SUMF1: variants seen among roughly 807,000 people sequenced by gnomAD.
The protein encoded by SUMF1 is sulfatase modifying factor 1, also known as formylglycine-generating enzyme.
In SUMF1, 48 loss-of-function variants were observed where a neutral mutation model predicts 47.6. That is an observed-to-expected ratio of 1.01 (90% CI 0.80 to 1.28). The LOEUF (loss-of-function observed/expected upper bound fraction) is 1.28, where lower values mean the gene tolerates loss of function less well. Among genes scored for constraint, SUMF1 ranks in the 50% most tolerant of loss-of-function variants. The pLI, the probability that SUMF1 is intolerant of heterozygous loss-of-function variation, is 0.00. For missense variants in SUMF1, 571 were observed against 485.4 expected (o/e 1.18, Z -1.66); for synonymous variants, 230 against 192.1 (o/e 1.20, Z -1.63).
chr3:4,285,253 T>C (rs1245665612), intron 8 of SUMF1, among the ~76,000 whole-genome samples: 2 of 152,188 alleles, frequency 1.3e-5, no homozygotes, highest in Non-Finnish European at 2.9e-5. Context: ...AAATTACTAA[T>C]AGCAAGGGCT....
At chr3:4,047,088 G>A (rs973398245) in intron 9 of SUMF1, among the ~76,000 whole-genome samples, 14 of 151,820 alleles carry the variant, frequency 9.2e-5, no homozygotes, top group African/African-American at 3.1e-4. Context: ...TTTCACTCCC[G>A]GAACACTCCT....
In SUMF1 at chr3:4,037,870, G is replaced by A. The variant is rs187243064; in HGVS notation, c.1191+30699C>T. Among the ~76,000 whole-genome samples the A allele has an allele frequency of 5.3e-5, 8 of 152,242 alleles. No homozygotes were observed. The East Asian group carries it at 1.2e-3, about 22-fold the overall frequency. On this transcript the variant is annotated intron_variant and NMD_transcript_variant, in intron 9 of 12. Coordinates refer to the SUMF1 transcript ENST00000448413. ...TCACAGGGCCAAGGCTTTGCGCAGG[G>A]TCTTTATTTGTAACTGACATCTTGC...
In SUMF1 at chr3:4,111,442, G is replaced by A. The variant is rs192899001; in HGVS notation, c.1015-42697C>T. Reference sequence around the variant, plus strand: ...CTCATAAAACCTTTATTTCTCGGCCGGGCGCAGTGACTCACGCCTGTAATG... The same window carrying A: ...CTCATAAAACCTTTATTTCTCGGCCAGGCGCAGTGACTCACGCCTGTAATG... On this transcript the variant is annotated intron_variant and NMD_transcript_variant, in intron 8 of 12. Coordinates refer to the SUMF1 transcript ENST00000448413. Among the ~76,000 whole-genome samples, 19 of 152,092 alleles carry A rather than the reference G, an allele frequency of 1.2e-4. No homozygotes were observed. In the East Asian group the frequency reaches 3.1e-3, roughly 25 times the overall value.
chr3:4,447,140 C>T (rs966383015), intron 3 of SUMF1, among the ~76,000 whole-genome samples: 2 of 151,670 alleles, frequency 1.3e-5, no homozygotes, highest in African/African-American at 2.4e-5. Context: ...GTAAGCTGTA[C>T]ATTTGTGTTG....
chr3:4,104,045 T>G (rs1693099745), intron 8 of SUMF1, among the ~76,000 whole-genome samples: 1 of 152,164 alleles, frequency 6.6e-6, no homozygotes, highest in African/African-American at 2.4e-5. Flanking sequence ...CTGGAAATTT[T>G]CATTTAGCCC....
chr3:4,357,339 A>AATCAAC (rs56948677), downstream of SUMF1, among the ~76,000 whole-genome samples: 5,670 of 150,508 alleles, frequency 0.038, 352 homozygotes, highest in African/African-American at 0.13. Flanking sequence ...ATATTCCTGA[A>AATCAAC]TATGGATTTT....
At chr3:4,228,778 A>ACT (rs1385557994) in intron 8 of SUMF1, among the ~76,000 whole-genome samples, 5 of 152,152 alleles carry the variant, frequency 3.3e-5, no homozygotes, top group Admixed American at 6.6e-5. Context: ...GTTAGTAATA[A>ACT]AAGTACCCAG....
chr3:4,187,075 G>A (rs912562073), intron 8 of SUMF1, among the ~76,000 whole-genome samples: 2 of 152,140 alleles, frequency 1.3e-5, no homozygotes, highest in Non-Finnish European at 2.9e-5. Flanking sequence ...GCTGCCAAAA[G>A]AATTAAGTCA....
chr3:4,115,552 A>G (rs1693402574), intron 8 of SUMF1, among the ~76,000 whole-genome samples: 1 of 135,264 alleles, frequency 7.4e-6, no homozygotes, highest in Non-Finnish European at 1.6e-5. Context: ...GAGCCCAAAA[A>G]CGCTCCTCAC....
At chr3:4,426,139 G>T (rs1278212917) in intron 3 of SUMF1, among the ~76,000 whole-genome samples, 1 of 152,166 alleles carries the variant, frequency 6.6e-6, no homozygotes, top group Non-Finnish European at 1.5e-5. Flanking sequence ...GGTGTGAGGG[G>T]TAAACAGAAT....
chr3:4,259,480 C>T (rs1697038350), intron 8 of SUMF1, among the ~76,000 whole-genome samples: 1 of 152,078 alleles, frequency 6.6e-6, no homozygotes, highest in African/African-American at 2.4e-5. Flanking sequence ...GAATTATTTA[C>T]ATATTTCTGT....
intron 8 of SUMF1, among the ~76,000 whole-genome samples, chr3:4,298,094 C>T (rs1014070362): frequency 6.6e-6 from 1 of 152,000 alleles, no homozygotes; most frequent in Non-Finnish European, 1.5e-5. Context: ...AGTGAAAAAT[C>T]CAAAAGAAAT....
At chr3:4,376,206 G>T (rs1241966256) in intron 8 of SUMF1, 124 bp downstream of exon 8, 28 of 1,172,580 alleles carry the variant, frequency 2.4e-5, no homozygotes, top group Admixed American at 1.4e-4. Context: ...TTTTTTTCTG[G>T]TTTCAGTGGG....
At chr3:4,137,373 C>CA (rs1400513981) in intron 8 of SUMF1, among the ~76,000 whole-genome samples, 2 of 147,916 alleles carry the variant, frequency 1.4e-5, no homozygotes, top group Non-Finnish European at 3.0e-5. Flanking sequence ...ATTGCAAGAA[C>CA]AAAAAACCAA....
At chr3:4,042,631 T>C (rs1433192343) in intron 9 of SUMF1, among the ~76,000 whole-genome samples, 1 of 152,158 alleles carries the variant, frequency 6.6e-6, no homozygotes, top group Non-Finnish European at 1.5e-5. Flanking sequence ...TTAAAAACCA[T>C]TTCTTTCTTT....
intron 8 of SUMF1, among the ~76,000 whole-genome samples, chr3:4,135,472 C>G (rs930297987): frequency 7.2e-6 from 1 of 139,596 alleles, no homozygotes. Flanking sequence ...TGGGATGTAT[C>G]TCAAAATAAT....
At chr3:4,137,074 AG>A (rs1335709027) in intron 8 of SUMF1, among the ~76,000 whole-genome samples, 1 of 151,944 alleles carries the variant, frequency 6.6e-6, no homozygotes, top group Middle Eastern at 3.2e-3. Context: ...CGATTCCTCA[AG>A]GATCTAGAAC....
chr3:4,065,256 A>G (rs2125030022), intron 9 of SUMF1, among the ~76,000 whole-genome samples: 1 of 152,202 alleles, frequency 6.6e-6, no homozygotes, highest in East Asian at 1.9e-4. Context: ...ACAGAGAAGC[A>G]ATTACCTCTC....
intron 8 of SUMF1, among the ~76,000 whole-genome samples, chr3:4,283,563 G>C (rs1697571440): frequency 6.6e-6 from 1 of 152,140 alleles, no homozygotes; most frequent in South Asian, 2.1e-4. Context: ...ACCTTTGGAG[G>C]GATCAGTGCA....
Sources: allele counts gnomAD v4.1 joint callset (sites outside exome capture counted in the v4.1 genomes callset), GRCh38; gene constraint gnomAD v4.1.1; transcripts MANE v1.5; gene names NCBI Gene and HGNC (gene_info 2026-07-23, HGNC 2026-07-21).